EGFR: variants seen among roughly 807,000 people sequenced by gnomAD.
EGFR encodes the protein avian erythroblastic leukemia viral (v-erb-b) oncogene homolog.
In EGFR, 58 loss-of-function variants were observed where a neutral mutation model predicts 143.0. The observed-to-expected ratio is 0.41, with a 90% CI of 0.33 to 0.50. EGFR has a LOEUF of 0.50. Ranked by LOEUF, EGFR falls within the 20% of genes least tolerant of loss-of-function variation. The pLI, the probability that EGFR is intolerant of heterozygous loss-of-function variation, is 0.39. For missense variants in EGFR, 1,307 were observed against 1,579.0 expected (o/e 0.83, Z 2.92); for synonymous variants, 613 against 594.4 (o/e 1.03, Z -0.45).
intron 1 of EGFR, among the ~76,000 whole-genome samples, chr7:55,079,813 G>A (rs1398122825): frequency 1.3e-5 from 2 of 152,128 alleles, no homozygotes; most frequent in Non-Finnish European, 2.9e-5. Context: ...GCCACTCCAG[G>A]TGTCTGCAGC....
chr7:55,185,673 G>A (rs1787100689), intron 20 of EGFR, among the ~76,000 whole-genome samples: 1 of 152,200 alleles, frequency 6.6e-6, no homozygotes, highest in South Asian at 2.1e-4. Context: ...CACTGATGTG[G>A]TTCTGTAGTA....
At chr7:55,111,322 A>G (rs926695564) in intron 1 of EGFR, among the ~76,000 whole-genome samples, 1 of 151,428 alleles carries the variant, frequency 6.6e-6, no homozygotes, top group African/African-American at 2.4e-5. Flanking sequence ...CCGGTTTCAG[A>G]GCAGCTGCCC....
Position 55,026,865 on chromosome 7 carries a change from TGCCAAAAAAAAAAAGGGAAAAAAAAAA to T in EGFR, c.88+7503_88+7529del, listed in dbSNP as rs1419421399. Among the ~76,000 whole-genome samples, 5 of 147,754 alleles carry T rather than the reference TGCCAAAAAAAAAAAGGGAAAAAAAAAA, an allele frequency of 3.4e-5. No homozygotes were observed. In the East Asian group the frequency reaches 1.0e-3, roughly 30 times the overall value. ...TAACTAAAGAAAACCTCTCTTTAACTGCCAAAAAAAAAAAGGGAAAAAAAAAAGCTTTCTGCAGTGGCTTTCAGCGGG... is the reference window on the plus strand; with the variant it reads ...TAACTAAAGAAAACCTCTCTTTAACTGCTTTCTGCAGTGGCTTTCAGCGGG... On this transcript the variant is annotated intron_variant, in intron 1 of 27. Transcript: ENST00000275493.
At chr7:55,109,651 T>C in intron 1 of EGFR, 1 of 791,552 alleles carries the variant, frequency 1.3e-6, no homozygotes. Flanking sequence ...AGAGGCTTAA[T>C]TCCAAATTTG....
At chr7:55,069,874 C>A (rs1356703658) in intron 1 of EGFR, among the ~76,000 whole-genome samples, 1 of 152,222 alleles carries the variant, frequency 6.6e-6, no homozygotes, top group East Asian at 1.9e-4. Context: ...TCATCATTCT[C>A]TGTCTCTCTG....
intron 15 of EGFR, among the ~76,000 whole-genome samples, chr7:55,167,795 T>C (rs1009367030): frequency 6.6e-6 from 1 of 152,182 alleles, no homozygotes; most frequent in African/African-American, 2.4e-5. Context: ...AATCATATAA[T>C]CTCCAACAGT....
intron 1 of EGFR, among the ~76,000 whole-genome samples, chr7:55,106,043 T>A (rs903900187): frequency 1.3e-5 from 2 of 151,928 alleles, no homozygotes; most frequent in African/African-American, 4.8e-5. Context: ...GGTATAGGAG[T>A]TGTATCAGGT....
intron 15 of EGFR, chr7:55,168,451 A>AG: frequency 1.1e-6 from 1 of 941,578 alleles, no homozygotes; most frequent in Non-Finnish European, 1.8e-6. Context: ...ATATAGAAAG[A>AG]GGGGATTTAG....
chr7:55,156,452 T>C, intron 8 of EGFR, 81 bp from the exon 9 acceptor site: 3 of 1,596,916 alleles, frequency 1.9e-6, no homozygotes, highest in Admixed American at 3.3e-5. Flanking sequence ...AATTCCTTCC[T>C]GCTTCCCTCT....
intron 1 of EGFR, among the ~76,000 whole-genome samples, chr7:55,116,037 C>T (rs901264576): frequency 6.6e-6 from 1 of 152,168 alleles, no homozygotes; most frequent in Non-Finnish European, 1.5e-5. Context: ...TAGAATGGGG[C>T]ACAACATGTG....
chr7:55,085,033 C>G (rs1256724693), intron 1 of EGFR, among the ~76,000 whole-genome samples: 1 of 152,084 alleles, frequency 6.6e-6, no homozygotes, highest in East Asian at 1.9e-4. Flanking sequence ...ATGGTACGCT[C>G]AAATGCAAAT....
chr7:55,128,616 T>C, intron 1 of EGFR, among the ~76,000 whole-genome samples: 1 of 152,224 alleles, frequency 6.6e-6, no homozygotes. Flanking sequence ...AAGCAAAGCA[T>C]GGCAATGATA....
rs527856857 is a variant in EGFR at position 55,148,400 on chromosome 7, C to A, written c.559+1660C>A. On this transcript the variant is annotated intron_variant, in intron 4 of 27. Coordinates refer to ENST00000275493, the MANE Select transcript of EGFR (RefSeq NM_005228.5). ...GTGGGAAAGACCCACAGAGAAAGTG[C>A]TGGAAAGGGGAATGATGGGTAGGTT... 1.0e-3 allele frequency among the ~76,000 whole-genome samples: 155 copies of A among 151,898 alleles called. 1 individual carries two copies. Among genetic ancestry groups the A allele is most frequent in the African/African-American group, 3.5e-3 (146 of 41,408 alleles).
chr7:55,053,438 C>T (rs1788606552), intron 1 of EGFR, among the ~76,000 whole-genome samples: 1 of 152,218 alleles, frequency 6.6e-6, no homozygotes, highest in South Asian at 2.1e-4. Context: ...CCTGTGGCAA[C>T]TTGTGAAGAC....
At chr7:55,060,144 G>A (rs1207721583) in intron 1 of EGFR, among the ~76,000 whole-genome samples, 1 of 152,194 alleles carries the variant, frequency 6.6e-6, no homozygotes, top group Non-Finnish European at 1.5e-5. Context: ...ATTTATTTCT[G>A]TCACTCTGCA....
At chr7:55,037,034 AC>A (rs1787624574) in intron 1 of EGFR, among the ~76,000 whole-genome samples, 1 of 152,090 alleles carries the variant, frequency 6.6e-6, no homozygotes, top group Non-Finnish European at 1.5e-5. Context: ...AAACATGGGT[AC>A]TCTTGTTTGT....
intron 1 of EGFR, among the ~76,000 whole-genome samples, chr7:55,027,860 G>C (rs1018230573): frequency 1.3e-5 from 2 of 151,528 alleles, no homozygotes; most frequent in African/African-American, 4.8e-5. Flanking sequence ...GTTGAAAGCT[G>C]TACAATGTTA....
At chr7:55,152,297 T>G (rs1326551063) in intron 5 of EGFR, 2 of 688,454 alleles carry the variant, frequency 2.9e-6, no homozygotes, top group East Asian at 5.6e-5. Flanking sequence ...CCAAGATGCA[T>G]CTAATTATTT....
chr7:55,153,750 T>G (rs1006646533), intron 6 of EGFR, among the ~76,000 whole-genome samples: 1 of 152,178 alleles, frequency 6.6e-6, no homozygotes, highest in Non-Finnish European at 1.5e-5. Flanking sequence ...TATACGTTAG[T>G]AAACAGACGT....
Sources: gnomAD v4.1 joint callset for allele counts (sites outside exome capture counted in the v4.1 genomes callset) on GRCh38, gnomAD v4.1.1 for gene constraint, MANE v1.5 for transcripts, NCBI Gene and HGNC (gene_info 2026-07-23, HGNC 2026-07-21) for gene names.